Variants in ARHGAP39 observed in about 807,000 individuals in gnomAD.
ARHGAP39 encodes Rho GTPase activating protein 39.
In ARHGAP39, 44 loss-of-function variants were observed where a neutral mutation model predicts 106.9. That is an observed-to-expected ratio of 0.41 (90% confidence interval 0.32 to 0.53). The LOEUF (loss-of-function observed/expected upper bound fraction) is 0.53. ARHGAP39 is among the 20% of genes least tolerant of loss of function. The pLI is 0.21. For synonymous variants in ARHGAP39, 768 were observed against 693.2 expected (o/e 1.11, Z -1.69); for missense variants, 1,496 against 1,577.3 (o/e 0.95, Z 0.87).
chr8:144,597,107 G>A (rs907509250), intron 2 of ARHGAP39, among the ~76,000 whole-genome samples: 1 of 152,252 alleles, frequency 6.6e-6, no homozygotes, highest in Non-Finnish European at 1.5e-5. Context: ...GGAGACAGAG[G>A]AGGGACCTGG....
intron 1 of ARHGAP39, among the ~76,000 whole-genome samples, chr8:144,667,377 C>T (rs1331760063): frequency 6.6e-6 from 1 of 152,188 alleles, no homozygotes; most frequent in Non-Finnish European, 1.5e-5. Context: ...GACTGAGGCC[C>T]ACCTGACCCC....
chr8:144,548,156 G>A lies in ARHGAP39; in HGVS notation c.930C>T (p.Pro310=), dbSNP rs753255682. 8 of 1,573,374 alleles carry A rather than the reference G, an allele frequency of 5.1e-6. No individual in the cohort carries two copies. In the African/African-American group the frequency reaches 6.8e-5, roughly 13 times the overall value. Residue 310 remains proline (P), a synonymous_variant, in exon 5 of 12, where the codon CCC becomes CCT. Transcript: ENST00000377307. The surrounding 1 kb of genome is among the most constrained non-coding windows in gnomAD (Gnocchi z 7.4). ...CCACTGGGGGCTCCTCGTAGAGCGG[G>A]GGTTCATAGCCATAGCGCGGGGAGG... ...QPSSPRYGYE[P]PLYEEPPVEY... is the part of the protein sequence containing the mutation.
At chr8:144,600,134 C>T (rs148929874) in intron 2 of ARHGAP39, among the ~76,000 whole-genome samples, 372 of 150,304 alleles carry the variant, frequency 2.5e-3, no homozygotes, top group African/African-American at 8.5e-3. Context: ...GACGAGTGTG[C>T]GAGCTCATGT....
chr8:144,617,748 C>T (rs745373936), intron 1 of ARHGAP39, among the ~76,000 whole-genome samples: 16 of 152,252 alleles, frequency 1.1e-4, no homozygotes, highest in South Asian at 2.1e-4. Flanking sequence ...GTTTTGCTTT[C>T]GTCTTCTGCA....
At chr8:144,616,900 A>C (rs1463640110) in intron 1 of ARHGAP39, among the ~76,000 whole-genome samples, 1 of 152,238 alleles carries the variant, frequency 6.6e-6, no homozygotes, top group East Asian at 1.9e-4. Context: ...TGCCCAGTGA[A>C]TCAACAAACA....
chr8:144,550,699 T>C (rs2130850589), intron 4 of ARHGAP39, among the ~76,000 whole-genome samples: 1 of 152,348 alleles, frequency 6.6e-6, no homozygotes, highest in East Asian at 1.9e-4. Context: ...TGCCTGTTCC[T>C]GGGATTTCTG....
At chr8:144,617,128 A>G (rs2130962077) in intron 1 of ARHGAP39, among the ~76,000 whole-genome samples, 1 of 152,140 alleles carries the variant, frequency 6.6e-6, no homozygotes, top group Non-Finnish European at 1.5e-5. Flanking sequence ...AATCACTTGA[A>G]CTAGGGAGGC....
Position 144,679,472 on chromosome 8 carries a change from C to T in ARHGAP39, c.-82+6214G>A, listed in dbSNP as rs781441384. Among the ~76,000 whole-genome samples the T allele has an allele frequency of 1.1e-4, 17 of 152,214 alleles. No homozygotes were observed. The highest frequency in any genetic ancestry group is 2.2e-4 in the Non-Finnish European group (15 of 68,048). On this transcript the variant is annotated intron_variant, in intron 1 of 11. Transcript: ENST00000377307. This position sits in a 1 kb window ranked among gnomAD's most constrained non-coding sequence, Gnocchi z 4.7. ...AAAAGAGTCACAAGCAAACGAAACG[C>T]GGGCAGGAATCAGCCTCTGCTGCTG...
chr8:144,639,059 G>A (rs546638687), intron 1 of ARHGAP39, among the ~76,000 whole-genome samples: 7 of 152,192 alleles, frequency 4.6e-5, no homozygotes, highest in Non-Finnish European at 1.5e-5. Flanking sequence ...AGGAGCGGTG[G>A]CTCACGCCTG....
At position 144,530,365 on chromosome 8, in the gene ARHGAP39, C is replaced by A; in HGVS notation, c.*57G>T. ...GGCCCCTCTGCCGGGAGAGCGAGTGCGGAGTTCGGCCTGGCTGGGGGCGGC... is the reference window on the plus strand; with the variant it reads ...GGCCCCTCTGCCGGGAGAGCGAGTGAGGAGTTCGGCCTGGCTGGGGGCGGC... On this transcript the variant is annotated 3_prime_UTR_variant, in exon 12 of 12. Coordinates refer to ENST00000377307, the MANE Select transcript of ARHGAP39 (RefSeq NM_025251.3). 6.6e-7 allele frequency: 1 copy of A among 1,512,426 alleles called. No homozygotes were observed. Among genetic ancestry groups the A allele is most frequent in the Non-Finnish European group, 8.9e-7 (1 of 1,118,912 alleles). The allele number at this position is 1,512,426 out of a possible 1,614,324, so 93.7% of individuals were successfully genotyped here.
intron 3 of ARHGAP39, among the ~76,000 whole-genome samples, chr8:144,562,882 G>T (rs1818254672): frequency 6.6e-6 from 1 of 152,238 alleles, no homozygotes; most frequent in South Asian, 2.1e-4. Flanking sequence ...AACTCCAGTG[G>T]TTTCCATCGG....
intron 1 of ARHGAP39, among the ~76,000 whole-genome samples, chr8:144,681,616 T>C (rs1380109625): frequency 6.6e-6 from 1 of 152,206 alleles, no homozygotes; most frequent in Non-Finnish European, 1.5e-5. Context: ...TCTGAACTAC[T>C]ATTGATAAAT....
chr8:144,698,005 T>G, the ARHGAP39 span, among the ~76,000 whole-genome samples: 1 of 152,208 alleles, frequency 6.6e-6, no homozygotes, highest in Non-Finnish European at 1.5e-5. Context: ...TTTTGGCGTG[T>G]TAAGCTTCGC....
chr8:144,687,920 G>A (rs942324636), upstream of ARHGAP39, among the ~76,000 whole-genome samples: 296 of 112,562 alleles, frequency 2.6e-3, no homozygotes, highest in African/African-American at 0.01. Flanking sequence ...ACACACTGGC[G>A]GTGAGCACTT....
chr8:144,665,037 T>G (rs1034469475), intron 1 of ARHGAP39, among the ~76,000 whole-genome samples: 2 of 152,104 alleles, frequency 1.3e-5, no homozygotes, highest in African/African-American at 4.8e-5. Context: ...TTGACAAAAA[T>G]GCCGATAGTG....
rs1821468163 is a variant in ARHGAP39 at position 144,647,292 on chromosome 8, G to C, written c.-82+38394C>G. On this transcript the variant is annotated intron_variant, in intron 1 of 11. Coordinates refer to ENST00000377307, the MANE Select transcript of ARHGAP39 (RefSeq NM_025251.3). This position sits in a 1 kb window ranked among gnomAD's most constrained non-coding sequence, Gnocchi z 4.8. Reference sequence around the variant, plus strand: ...TGCTCTGACCCTTCTTAAAGCTCGAGCATGTGGCCCCAGTAAGAGCAGGGA... The same window carrying C: ...TGCTCTGACCCTTCTTAAAGCTCGACCATGTGGCCCCAGTAAGAGCAGGGA... Among the ~76,000 whole-genome samples the C allele has an allele frequency of 6.6e-6, 1 of 152,120 alleles. No individual in the cohort carries two copies. Among genetic ancestry groups the C allele is most frequent in the Admixed American group, 6.6e-5 (1 of 15,258 alleles).
intron 1 of ARHGAP39, among the ~76,000 whole-genome samples, chr8:144,675,103 C>A (rs1822199316): frequency 6.6e-6 from 1 of 152,180 alleles, no homozygotes; most frequent in Non-Finnish European, 1.5e-5. Context: ...CCTGCCTGTT[C>A]CCAGTTCCCA....
At position 144,547,705 on chromosome 8, in the gene ARHGAP39, G is replaced by C; in HGVS notation, c.1381C>G (p.Pro461Ala). The C allele has an allele frequency of 6.3e-7, 1 of 1,588,120 alleles. No individual in the cohort carries two copies. Among genetic ancestry groups the C allele is most frequent in the Non-Finnish European group, 8.5e-7 (1 of 1,173,228 alleles). ...TGGGCCTGTGGCAGCGGCGTGGGCGGCTGGCTGTGCCGCAGCTCAGGTCCC... is the reference window on the plus strand; with the variant it reads ...TGGGCCTGTGGCAGCGGCGTGGGCGCCTGGCTGTGCCGCAGCTCAGGTCCC... Reference protein sequence around the residue: ...MEGPELRHSQPPTPLPQAQED... With the variant: ...MEGPELRHSQAPTPLPQAQED... Residue 461 changes from proline (P) to alanine (A), a missense_variant, in exon 5 of 12, where the codon CCG becomes GCG. By Grantham distance (27) the Pro-to-Ala change is conservative. Around this residue, in one of 4 missense-constraint regions of ARHGAP39, gnomAD observed 905 missense variants for 816.4 expected, o/e 1.11. Coordinates refer to ENST00000377307, the MANE Select transcript of ARHGAP39 (RefSeq NM_025251.3). The surrounding 1 kb of genome is among the most constrained non-coding windows in gnomAD (Gnocchi z 5.2).
At chr8:144,560,021 T>G (rs891690563) in intron 3 of ARHGAP39, among the ~76,000 whole-genome samples, 2 of 152,274 alleles carry the variant, frequency 1.3e-5, no homozygotes, top group African/African-American at 4.8e-5. Context: ...ACAGCACTAA[T>G]ATCTATTACA....
Sources: allele counts gnomAD v4.1 joint callset (sites outside exome capture counted in the v4.1 genomes callset), GRCh38; gene constraint gnomAD v4.1.1; regional missense constraint gnomAD v4.1.1; non-coding constraint Gnocchi (gnomAD v3.1); transcripts MANE v1.5; gene names NCBI Gene and HGNC (gene_info 2026-07-23, HGNC 2026-07-21).